The following MET variants were observed in gnomAD, a reference collection of about 807,000 sequenced individuals.
MET encodes the protein MET proto-oncogene, receptor tyrosine kinase, also known as hepatocyte growth factor receptor.
In MET, 48 loss-of-function variants were observed where a neutral mutation model predicts 133.1. That is an observed-to-expected ratio of 0.36 (90% confidence interval 0.29 to 0.46). The LOEUF (loss-of-function observed/expected upper bound fraction) is 0.46. Among genes scored for constraint, MET ranks in the 20% least tolerant of loss-of-function variants. MET has a pLI of 1.00. For missense variants in MET, 1,442 were observed against 1,695.9 expected (o/e 0.85, Z 2.63); for synonymous variants, 628 against 616.5 (o/e 1.02, Z -0.28).
intron 17 of MET, among the ~76,000 whole-genome samples, chr7:116,779,684 C>T (rs547151698): frequency 1.2e-3 from 179 of 151,228 alleles, no homozygotes; most frequent in Non-Finnish European, 2.2e-3. Flanking sequence ...ATGTGCTGTA[C>T]GGTGTAGAAT....
Position 116,688,553 on chromosome 7 carries a change from T to C in MET, c.-14-10518T>C, listed in dbSNP as rs1447657097. Among the ~76,000 whole-genome samples, 9 of 152,218 alleles carry C rather than the reference T, an allele frequency of 5.9e-5. No individual in the cohort carries two copies. In the South Asian group the frequency reaches 1.9e-3, roughly 31 times the overall value. ...ATCAGGGCTCTGAGAGTTCAATGTA[T>C]TTTCTGAACAATATTTTTTACATTA... On this transcript the variant is annotated intron_variant, in intron 1 of 20. Transcript: ENST00000397752.
chr7:116,684,444 A>T (rs563534182), intron 1 of MET, among the ~76,000 whole-genome samples: 17 of 152,330 alleles, frequency 1.1e-4, no homozygotes, highest in African/African-American at 3.6e-4. Flanking sequence ...ATAAGTTACT[A>T]TATAGTGTGG....
At chr7:116,720,548 A>G (rs1288133932) in intron 2 of MET, among the ~76,000 whole-genome samples, 2 of 81,496 alleles carry the variant, frequency 2.5e-5, no homozygotes, top group Non-Finnish European at 4.4e-5. Flanking sequence ...GAGAGAGGGC[A>G]TCCCTGTCTT....
Position 116,763,140 on chromosome 7 carries a change from G to A in MET, c.2455G>A (p.Ala819Thr), listed in dbSNP as rs786203672. ...TCTGCAACTCCCCCTGAAAACCAAA[G>A]CCTTTTTCATGTTAGATGGGATCCT... Reference protein sequence around the residue: ...LNLQLPLKTKAFFMLDGILSK... With the variant: ...LNLQLPLKTKTFFMLDGILSK... The change falls in exon 11 of 21, where the codon GCC becomes ACC. Residue 819 changes from alanine (A) to threonine (T), a missense_variant. Transcript: ENST00000397752. 9 of 1,613,938 alleles carry A rather than the reference G, an allele frequency of 5.6e-6. No homozygotes were observed. The Middle Eastern group carries it at 4.9e-4, about 89-fold the overall frequency.
chr7:116,757,623 T>G lies in MET; in HGVS notation c.1966-15T>G. 1 of 1,614,018 alleles carries G rather than the reference T, an allele frequency of 6.2e-7. No homozygotes were observed. Among genetic ancestry groups the G allele is most frequent in the Non-Finnish European group, 8.5e-7 (1 of 1,179,946 alleles). ...ATGAACAAGTTACTTTGTTTTGTTT[T>G]TATCTCCCCTCCAGGATCCTGTAAT... On this transcript the variant is annotated splice_polypyrimidine_tract_variant and intron_variant, in intron 7 of 20. Coordinates refer to ENST00000397752, the MANE Select transcript of MET (RefSeq NM_000245.4).
In MET at chr7:116,782,221, A is replaced by G; in HGVS notation, c.3632+124A>G. 4.0e-6 allele frequency: 3 copies of G among 745,028 alleles called. No individual in the cohort carries two copies. In the South Asian group the frequency reaches 4.4e-5, roughly 11 times the overall value. 46.2% of individuals were successfully genotyped at this position (745,028 alleles called of 1,614,324 possible). On this transcript the variant is annotated intron_variant, in intron 18 of 20. Transcript: ENST00000397752. ...GCAAAAGTCCTTTATTTCTGTTACA[A>G]TCTTAAATCGATGTGTAAGCCCTGG... is the stretch of plus-strand genomic sequence containing the variant.
intron 5 of MET, among the ~76,000 whole-genome samples, chr7:116,745,227 G>A (rs1428523797): frequency 5.3e-5 from 8 of 152,180 alleles, no homozygotes; most frequent in Non-Finnish European, 1.2e-4. Context: ...TACAAGGGAT[G>A]TGAAGGACCT....
chr7:116,758,427 T>G (rs73208168), intron 8 of MET, 32 bp from the exon 9 acceptor site: 1 of 1,598,606 alleles, frequency 6.3e-7, no homozygotes, highest in Non-Finnish European at 8.6e-7. Flanking sequence ...CTCTAATAGC[T>G]AAAATTCACT....
chr7:116,726,892 C>T (rs981785248), intron 2 of MET, among the ~76,000 whole-genome samples: 1 of 152,170 alleles, frequency 6.6e-6, no homozygotes, highest in Non-Finnish European at 1.5e-5. Flanking sequence ...AGCACTTAGG[C>T]TGGGCCAGGG....
At position 116,797,805 on chromosome 7, in the gene MET, A is replaced by G. The variant is rs1200590288; in HGVS notation, c.*1681A>G. 3.1e-5 allele frequency: 7 copies of G among 224,982 alleles called. 1 individual carries two copies. The highest frequency in any genetic ancestry group is 8.9e-5 in the African/African-American group (4 of 44,998). 13.9% of individuals were successfully genotyped at this position (224,982 alleles called of 1,614,324 possible). On this transcript the variant is annotated 3_prime_UTR_variant, in exon 21 of 21. Transcript: ENST00000397752. ...TGCCAATACACCCCACCCTCATTAC[A>G]TCATCAGGACTTGAAGCCAAGGGTT... is the stretch of plus-strand genomic sequence containing the variant.
chr7:116,711,732 T>C (rs1792007755), intron 2 of MET, among the ~76,000 whole-genome samples: 1 of 152,110 alleles, frequency 6.6e-6, no homozygotes, highest in Non-Finnish European at 1.5e-5. Context: ...CAAAGTGCTG[T>C]TGGAGTAAGT....
At chr7:116,697,607 A>T (rs1399210476) in intron 1 of MET, among the ~76,000 whole-genome samples, 2 of 152,176 alleles carry the variant, frequency 1.3e-5, no homozygotes, top group Non-Finnish European at 2.9e-5. Flanking sequence ...ATTTCGGCTT[A>T]ATTTTTATTC....
At position 116,778,877 on chromosome 7, in the gene MET, C is replaced by A. The variant is rs879254336; in HGVS notation, c.3442C>A (p.Arg1148=). The A allele has an allele frequency of 2.5e-6, 4 of 1,613,886 alleles. No homozygotes were observed. Among genetic ancestry groups the A allele is most frequent in the Non-Finnish European group, 3.4e-6 (4 of 1,179,966 alleles). Residue 1148 remains arginine (R), a synonymous_variant, in exon 17 of 21, where the codon CGA becomes AGA. Coordinates refer to ENST00000397752, the MANE Select transcript of MET (RefSeq NM_000245.4). ...CCTCTCGCTCCTGGGAATCTGCCTG[C>A]GAAGTGAAGGGTCTCCGCTGGTGGT... The part of the protein sequence containing the change: ...NVLSLLGICL[R]SEGSPLVVLP...
chr7:116,689,586 T>G (rs1352578573), intron 1 of MET, among the ~76,000 whole-genome samples: 2 of 114,150 alleles, frequency 1.8e-5, no homozygotes, highest in African/African-American at 6.8e-5. Flanking sequence ...TTTTTTTTTT[T>G]GAGACAGAGT....
At chr7:116,725,500 G>T (rs1355428376) in intron 2 of MET, among the ~76,000 whole-genome samples, 1 of 146,024 alleles carries the variant, frequency 6.8e-6, no homozygotes, top group Admixed American at 6.9e-5. Flanking sequence ...ACACACAAAA[G>T]AATTATGTAC....
chr7:116,758,806 G>C (rs1276035998), intron 9 of MET, among the ~76,000 whole-genome samples, 186 bp downstream of exon 9: 1 of 152,160 alleles, frequency 6.6e-6, no homozygotes, highest in East Asian at 1.9e-4. Context: ...ACTTATCAAT[G>C]CTAGTTCATT....
intron 2 of MET, among the ~76,000 whole-genome samples, chr7:116,723,040 T>C (rs1377741501): frequency 1.3e-4 from 18 of 139,890 alleles, no homozygotes; most frequent in Admixed American, 2.2e-4. Flanking sequence ...CCTTGCTAGA[T>C]TGGGGAAGTT....
intron 1 of MET, among the ~76,000 whole-genome samples, chr7:116,682,310 G>A (rs559248462): frequency 4.8e-4 from 73 of 152,174 alleles, no homozygotes; most frequent in Non-Finnish European, 8.8e-4. Flanking sequence ...CCAGGATCAA[G>A]GTTCCTTCAT....
chr7:116,769,500 C>A, intron 11 of MET, 145 bp from the exon 12 acceptor site: 1 of 972,462 alleles, frequency 1.0e-6, no homozygotes, highest in South Asian at 1.6e-5. Context: ...CATCCCAATT[C>A]CCATGAAAAT....
Sources: allele counts gnomAD v4.1 joint callset (sites outside exome capture counted in the v4.1 genomes callset), GRCh38; gene constraint gnomAD v4.1.1; transcripts MANE v1.5; gene names NCBI Gene and HGNC (gene_info 2026-07-23, HGNC 2026-07-21).